Variants in CUL5 observed in about 807,000 individuals in gnomAD.
The protein encoded by CUL5 is cullin-5.
Under a neutral mutation model 108.8 loss-of-function variants are expected in CUL5, and 26 were observed. The ratio of observed to expected loss-of-function variants is 0.24; its 90% CI spans 0.18 to 0.33. The LOEUF is 0.33. CUL5 is among the 10% of genes least tolerant of loss of function. CUL5 has a pLI of 1.00. For missense variants in CUL5, 524 were observed against 909.2 expected, an observed-to-expected ratio of 0.58 and a Z score of 5.45; for synonymous variants, 334 against 298.0, an observed-to-expected ratio of 1.12 and a Z score of -1.25.
At chr11:108,028,129 T>A (rs771565506) in intron 1 of CUL5, among the ~76,000 whole-genome samples, 20 of 152,242 alleles carry the variant, frequency 1.3e-4, no homozygotes, top group Non-Finnish European at 2.4e-4. Context: ...CTGATAGGCC[T>A]TTTAAATTCT....
chr11:108,099,159 C>T (rs1462541763), intron 18 of CUL5, among the ~76,000 whole-genome samples: 4 of 152,056 alleles, frequency 2.6e-5, no homozygotes, highest in African/African-American at 7.2e-5. Flanking sequence ...CATGCGCCAC[C>T]ACACTCAGCT....
intron 7 of CUL5, among the ~76,000 whole-genome samples, chr11:108,066,852 G>A (rs566400557): frequency 1.3e-4 from 20 of 152,142 alleles, no homozygotes; most frequent in South Asian, 2.1e-4. Flanking sequence ...ATACACATCT[G>A]TACATATGAA....
chr11:108,097,659 C>T lies in CUL5; in HGVS notation c.1929C>T (p.Leu643=). Residue 643 remains leucine, a synonymous_variant, in exon 17 of 19, where the codon CTC becomes CTT. Coordinates refer to ENST00000393094, the MANE Select transcript of CUL5 (RefSeq NM_003478.6). Reference sequence around the variant, plus strand: ...AGTCTTTAGTAGCTTTCCCAAAACTCAAACGGCAAGTTTTGTTGTATGAAC... The same window carrying T: ...AGTCTTTAGTAGCTTTCCCAAAACTTAAACGGCAAGTTTTGTTGTATGAAC... ...TLWSLVAFPK[L]KRQVLLYEPQ... is the part of the protein sequence containing the mutation. 6.2e-7 allele frequency: 1 copy of T among 1,612,812 alleles called. No individual in the cohort carries two copies. The highest frequency in any genetic ancestry group is 8.5e-7 in the Non-Finnish European group (1 of 1,178,980).
In CUL5 at chr11:108,054,696, T is replaced by C. The variant is rs1444141446; in HGVS notation, c.603T>C (p.Asn201=). The C allele has an allele frequency of 3.1e-6, 5 of 1,607,934 alleles. No homozygotes were observed. The highest frequency in any genetic ancestry group is 4.3e-6 in the Non-Finnish European group (5 of 1,175,452). The change falls in exon 6 of 19, where the codon AAT becomes AAC. Residue 201 remains asparagine (N), a synonymous_variant. Coordinates refer to ENST00000393094, the MANE Select transcript of CUL5 (RefSeq NM_003478.6). ...PEDKLQIYRD[N]FEKAYLDSTE... ...ATAAACTTCAAATTTATAGGGACAA[T>C]TTTGAGAAGGCATACTTGGATTCAA...
chr11:108,068,609 A>T (rs916427510), intron 7 of CUL5, among the ~76,000 whole-genome samples: 2 of 152,234 alleles, frequency 1.3e-5, no homozygotes, highest in Admixed American at 1.3e-4. Flanking sequence ...TAAGGGACAC[A>T]TAATTGCCTC....
chr11:108,016,570 T>C (rs1862198168), intron 1 of CUL5, among the ~76,000 whole-genome samples: 1 of 152,162 alleles, frequency 6.6e-6, no homozygotes, highest in African/African-American at 2.4e-5. Context: ...TTAATAAATA[T>C]TTTGCTTAGT....
intron 8 of CUL5, among the ~76,000 whole-genome samples, chr11:108,071,798 C>T (rs1863830362): frequency 6.6e-6 from 1 of 152,194 alleles, no homozygotes. Flanking sequence ...AAATGATCCT[C>T]CCACCTTGGC....
intron 11 of CUL5, among the ~76,000 whole-genome samples, chr11:108,080,619 C>T (rs1864055180): frequency 6.6e-6 from 1 of 152,138 alleles, no homozygotes; most frequent in South Asian, 2.1e-4. Flanking sequence ...TGGTCTCAAT[C>T]TCTTGACCTC....
intron 16 of CUL5, 63 bp from the exon 17 acceptor site, chr11:108,097,573 G>T (rs1000671104): frequency 7.9e-6 from 7 of 885,614 alleles, no homozygotes; most frequent in Non-Finnish European, 1.1e-5. Context: ...TTATGTGGGA[G>T]AATTGATCTT....
intron 9 of CUL5, among the ~76,000 whole-genome samples, chr11:108,073,075 G>A (rs964938780): frequency 2.0e-5 from 3 of 151,714 alleles, no homozygotes; most frequent in Non-Finnish European, 4.4e-5. Context: ...GGTGGCGGGC[G>A]CCTATAGTCC....
At position 108,073,431 on chromosome 11, in the gene CUL5, T is replaced by C; in HGVS notation, c.1047T>C (p.Asn349=). 4.4e-6 allele frequency: 7 copies of C among 1,595,448 alleles called. No individual in the cohort carries two copies. Among genetic ancestry groups the C allele is most frequent in the Non-Finnish European group, 6.0e-6 (7 of 1,169,294 alleles). The change falls in exon 10 of 19, where the codon AAT becomes AAC. Residue 349 remains asparagine, a synonymous_variant. Transcript: ENST00000393094. The part of the protein sequence containing the change: ...KYVEQLLTLF[N]RFSKLVKEAF... ...TTGAGCAGTTACTTACACTATTTAA[T>C]AGATTTAGTAAACTCGTCAAAGAAG...
chr11:108,088,445 G>C, intron 11 of CUL5, 82 bp from the exon 12 acceptor site: 2 of 1,378,776 alleles, frequency 1.5e-6, no homozygotes, highest in Admixed American at 2.2e-5. Flanking sequence ...TGAGAAATTC[G>C]CTTGTGAATC....
chr11:108,097,868 C>T, intron 17 of CUL5, 114 bp downstream of exon 17: 6 of 599,520 alleles, frequency 1.0e-5, no homozygotes, highest in Non-Finnish European at 1.8e-5. Flanking sequence ...ATACTGTCAT[C>T]ACTCTAAACT....
chr11:108,073,598 TAAA>T (rs894914792), intron 10 of CUL5, 101 bp downstream of exon 10: 60 of 496,140 alleles, frequency 1.2e-4, no homozygotes, highest in Non-Finnish European at 1.9e-4. Context: ...ATTATAAACT[TAAA>T]AACCTAGCAA....
intron 2 of CUL5, among the ~76,000 whole-genome samples, chr11:108,045,546 C>A (rs2135118475): frequency 6.6e-6 from 1 of 152,246 alleles, no homozygotes; most frequent in South Asian, 2.1e-4. Flanking sequence ...GGTTGTGGCA[C>A]TGCACTCCAG....
intron 10 of CUL5, among the ~76,000 whole-genome samples, chr11:108,074,673 G>C (rs768470549): frequency 3.9e-5 from 6 of 152,046 alleles, no homozygotes; most frequent in Non-Finnish European, 8.8e-5. Context: ...GGACGTGGTG[G>C]TACATGCGTG....
rs1298843873 is a variant in CUL5, at chr11:108,009,282, C to G, written c.-67C>G. 1.3e-6 allele frequency: 2 copies of G among 1,587,284 alleles called. No individual in the cohort carries two copies. Among genetic ancestry groups the G allele is most frequent in the Non-Finnish European group, 1.7e-6 (2 of 1,158,508 alleles). The stretch of plus-strand genomic sequence containing the variant: ...GGGCCCTGGTGGGAGCTCCGGCCTC[C>G]GGTCAAGGCCTGGCCGGGAGCGCCA... On this transcript the variant is annotated 5_prime_UTR_variant, in exon 1 of 19. Transcript: ENST00000393094.
intron 2 of CUL5, among the ~76,000 whole-genome samples, chr11:108,042,148 A>G (rs1565242316): frequency 6.7e-6 from 1 of 149,926 alleles, no homozygotes; most frequent in African/African-American, 2.5e-5. Flanking sequence ...ACATTTTCAC[A>G]TTTTACTTTA....
chr11:108,055,703 T>C (rs1434452880), intron 7 of CUL5, among the ~76,000 whole-genome samples: 1 of 151,942 alleles, frequency 6.6e-6, no homozygotes, highest in African/African-American at 2.4e-5. Flanking sequence ...CAATCTCGGC[T>C]CACTGCAACC....
Sources: allele counts gnomAD v4.1 joint callset (sites outside exome capture counted in the v4.1 genomes callset), GRCh38; gene constraint gnomAD v4.1.1; transcripts MANE v1.5; gene names NCBI Gene and HGNC (gene_info 2026-07-23, HGNC 2026-07-21).